The following ANKFN1 variants were observed in gnomAD, a reference collection of about 807,000 sequenced individuals.
ANKFN1 encodes ankyrin repeat and fibronectin type III domain containing 1, also known as ankyrin repeat and fibronectin type-III domain-containing protein 1.
ANKFN1 carries 74 observed loss-of-function variants against 108.7 expected under a neutral mutation model. The observed-to-expected ratio is 0.68, with a 90% CI of 0.56 to 0.83. ANKFN1 has a LOEUF of 0.83. Ranked by LOEUF, ANKFN1 falls within the 40% of genes least tolerant of loss-of-function variation. ANKFN1 has a pLI of 0.00. For missense variants in ANKFN1, 1,505 were observed against 1,382.3 expected (o/e 1.09, Z -1.41); for synonymous variants, 547 against 516.2 (o/e 1.06, Z -0.81).
chr17:56,408,219 G>T (rs921028607), intron 8 of ANKFN1, among the ~76,000 whole-genome samples: 1 of 152,140 alleles, frequency 6.6e-6, no homozygotes, highest in African/African-American at 2.4e-5. Context: ...ACAGGCTTGA[G>T]CCACCACACC....
At chr17:56,438,448 T>C (rs548603478) in intron 8 of ANKFN1, among the ~76,000 whole-genome samples, 1 of 152,346 alleles carries the variant, frequency 6.6e-6, no homozygotes, top group Non-Finnish European at 1.5e-5. Flanking sequence ...GGTCCTTGAA[T>C]GCCTTCCTAA....
chr17:56,473,425 G>A (rs2050387908), intron 15 of ANKFN1: 1 of 152,088 alleles, frequency 6.6e-6, no homozygotes, highest in African/African-American at 2.4e-5. Context: ...CACTTTGGGA[G>A]GCTGAGGCAG....
chr17:56,398,261 A>G (rs955076460), intron 8 of ANKFN1, among the ~76,000 whole-genome samples: 4 of 152,186 alleles, frequency 2.6e-5, no homozygotes, highest in Admixed American at 1.3e-4. Flanking sequence ...TGAATACATG[A>G]ATGAGTTAAT....
At chr17:56,299,881 A>G (rs2044623822) in intron 3 of ANKFN1, among the ~76,000 whole-genome samples, 1 of 152,240 alleles carries the variant, frequency 6.6e-6, no homozygotes. Context: ...TGAATGAATG[A>G]ATGAATGCTA....
intron 4 of ANKFN1, among the ~76,000 whole-genome samples, chr17:56,347,490 T>C (rs1358316746): frequency 6.6e-6 from 1 of 152,032 alleles, no homozygotes; most frequent in African/African-American, 2.4e-5. Context: ...ATATCAAGAT[T>C]CCAATTGGGT....
chr17:56,153,516 G>A lies in ANKFN1; in HGVS notation c.-85G>A. On this transcript the variant is annotated 5_prime_UTR_variant, in exon 1 of 21. Coordinates refer to ENST00000682825, the MANE Select transcript of ANKFN1 (RefSeq NM_001370326.1). Reference sequence around the variant, plus strand: ...GCTCAGTCCTGTGTCTCTCATGGAGGCGTCTCTAACCAGGGTAGGAAAACA... The same window carrying A: ...GCTCAGTCCTGTGTCTCTCATGGAGACGTCTCTAACCAGGGTAGGAAAACA... 1.2e-6 allele frequency: 2 copies of A among 1,614,140 alleles called. No individual in the cohort carries two copies. The highest frequency in any genetic ancestry group is 1.7e-6 in the Non-Finnish European group (2 of 1,179,974).
At chr17:56,148,689 T>C (rs564687020), upstream of ANKFN1, among the ~76,000 whole-genome samples, 49 of 152,374 alleles carry the variant, frequency 3.2e-4, no homozygotes, top group Non-Finnish European at 4.0e-4. Flanking sequence ...ATCTTCTCTT[T>C]TGATAAATTC....
intron 4 of ANKFN1, among the ~76,000 whole-genome samples, chr17:56,132,747 G>A (rs990797716): frequency 6.6e-6 from 1 of 152,102 alleles, no homozygotes; most frequent in Non-Finnish European, 1.5e-5. Flanking sequence ...GCAGACTGCC[G>A]ACTTCTGGCC....
rs562217952 is a variant in ANKFN1 at position 56,390,278 on chromosome 17, A to T, written c.910+15564A>T. Among the ~76,000 whole-genome samples, 28 of 151,348 alleles carry T rather than the reference A, an allele frequency of 1.9e-4. 1 individual carries two copies. Among genetic ancestry groups the T allele is most frequent in the African/African-American group, 6.6e-4 (27 of 41,164 alleles). ...TGTTCTAATTGTTCAACTCCAACTT[A>T]TGAGTGAGAACATGGGGTGTTTGGT... On this transcript the variant is annotated intron_variant, in intron 8 of 20. Coordinates refer to ENST00000682825, the MANE Select transcript of ANKFN1 (RefSeq NM_001370326.1).
rs182948554 is a variant in ANKFN1 at position 56,225,228 on chromosome 17, C to T, written c.13-2689C>T. Among the ~76,000 whole-genome samples, 7 of 152,216 alleles carry T rather than the reference C, an allele frequency of 4.6e-5. No individual in the cohort carries two copies. In the East Asian group the frequency reaches 1.2e-3, roughly 25 times the overall value. Reference sequence around the variant, plus strand: ...TGGTCTGCTCCACATTCCCCATCTGCCTTCTTATGTCCTGCTCTAGCGTAA... The same window carrying T: ...TGGTCTGCTCCACATTCCCCATCTGTCTTCTTATGTCCTGCTCTAGCGTAA... On this transcript the variant is annotated intron_variant, in intron 2 of 20. Transcript: ENST00000682825.
intron 4 of ANKFN1, among the ~76,000 whole-genome samples, chr17:56,145,208 G>A (rs143367621): frequency 6.6e-6 from 1 of 152,200 alleles, no homozygotes; most frequent in Non-Finnish European, 1.5e-5. Flanking sequence ...ACCATGGAAT[G>A]GGTACAAAAG....
chr17:56,370,109 A>G (rs1432492645), intron 6 of ANKFN1, among the ~76,000 whole-genome samples: 5 of 152,156 alleles, frequency 3.3e-5, no homozygotes, highest in African/African-American at 1.2e-4. Context: ...ACCCACCGTC[A>G]CCACTATATT....
At chr17:56,481,792 G>A (rs1323888290) in intron 17 of ANKFN1, among the ~76,000 whole-genome samples, 1 of 151,866 alleles carries the variant, frequency 6.6e-6, no homozygotes, top group African/African-American at 2.4e-5. Flanking sequence ...TGTTCACTAG[G>A]AGAAAAAAAA....
intron 8 of ANKFN1, among the ~76,000 whole-genome samples, chr17:56,386,405 G>T (rs905892844): frequency 4.6e-5 from 7 of 151,608 alleles, no homozygotes; most frequent in African/African-American, 1.7e-4. Flanking sequence ...ACACCAGCAT[G>T]GCACATGTAT....
At chr17:56,170,979 G>A (rs1211937755) in intron 1 of ANKFN1, among the ~76,000 whole-genome samples, 1 of 151,236 alleles carries the variant, frequency 6.6e-6, no homozygotes, top group Non-Finnish European at 1.5e-5. Context: ...ACTTATCTTG[G>A]GGGAGCTGGA....
intron 4 of ANKFN1, among the ~76,000 whole-genome samples, chr17:56,083,896 T>C (rs539592779): frequency 6.6e-6 from 1 of 151,514 alleles, no homozygotes; most frequent in South Asian, 2.1e-4. Flanking sequence ...CATGCTTAGC[T>C]GAAACCTACT....
intron 3 of ANKFN1, among the ~76,000 whole-genome samples, chr17:56,254,941 C>T (rs2043322206): frequency 6.6e-6 from 1 of 152,178 alleles, no homozygotes; most frequent in Non-Finnish European, 1.5e-5. Context: ...TTCTGCACAT[C>T]CTGCCTCCAG....
intron 4 of ANKFN1, among the ~76,000 whole-genome samples, chr17:56,057,844 G>A (rs1306144259): frequency 1.3e-5 from 2 of 152,086 alleles, no homozygotes; most frequent in East Asian, 1.9e-4. Flanking sequence ...TGGGTGTTAT[G>A]TTAGAAGGCA....
chr17:56,278,444 C>T (rs1412287836), intron 3 of ANKFN1, among the ~76,000 whole-genome samples: 2 of 152,198 alleles, frequency 1.3e-5, no homozygotes, highest in African/African-American at 4.8e-5. Context: ...AAAGAAATAT[C>T]TCTTTGAAGT....
Sources: allele counts gnomAD v4.1 joint callset (sites outside exome capture counted in the v4.1 genomes callset), GRCh38; gene constraint gnomAD v4.1.1; transcripts MANE v1.5; gene names NCBI Gene and HGNC (gene_info 2026-07-23, HGNC 2026-07-21).